The following LAMA2 variants were observed in gnomAD, a reference collection of about 807,000 sequenced individuals.
LAMA2 encodes the protein laminin subunit alpha 2.
In LAMA2, 269 loss-of-function variants were observed where a neutral mutation model predicts 364.8. The ratio of observed to expected loss-of-function variants is 0.74; its 90% confidence interval spans 0.67 to 0.82. The LOEUF (loss-of-function observed/expected upper bound fraction) is 0.82, where lower values mean the gene tolerates loss of function less well. Ranked by LOEUF, LAMA2 falls within the 40% of genes least tolerant of loss-of-function variation. The pLI, the probability that LAMA2 is intolerant of heterozygous loss-of-function variation, is 0.00. For synonymous variants in LAMA2, 1,379 were observed against 1,370.6 expected (o/e 1.01, Z -0.14); for missense variants, 3,807 against 3,873.2 (o/e 0.98, Z 0.45).
At chr6:129,435,591 T>A (rs539985653) in intron 41 of LAMA2, among the ~76,000 whole-genome samples, 1 of 152,312 alleles carries the variant, frequency 6.6e-6, no homozygotes, top group South Asian at 2.1e-4. Flanking sequence ...CGTGCTTTGC[T>A]GGAATATTTT....
chr6:129,251,971 T>G (rs1786284522), intron 13 of LAMA2, 113 bp from the exon 14 acceptor site: 2 of 670,854 alleles, frequency 3.0e-6, no homozygotes, highest in South Asian at 3.8e-5. Context: ...AAACATAAAT[T>G]TTTAAAGTTA....
At position 129,366,303 on chromosome 6, in the gene LAMA2, C is replaced by T. The variant is rs758579856; in HGVS notation, c.4802C>T (p.Pro1601Leu). ...QMVMSINLTG[P>L]LPAPYKMLYG... ...GTCATGAGCATCAACCTCACTGGTC[C>T]GCTGCCTGCGCCATATAAAATGCTG... The change falls in exon 33 of 65, where the codon CCG becomes CTG. Residue 1601 changes from proline to leucine, a missense_variant. By Grantham distance (98) the Pro-to-Leu change is moderately conservative (BLOSUM62 -3). Coordinates refer to ENST00000421865, the MANE Select transcript of LAMA2 (RefSeq NM_000426.4). 1.6e-5 allele frequency: 26 copies of T among 1,613,502 alleles called. No homozygotes were observed. The highest frequency in any genetic ancestry group is 4.5e-5 in the East Asian group (2 of 44,872).
At chr6:129,505,168 A>G (rs908913172) in intron 60 of LAMA2, 32 bp from the exon 61 acceptor site, 2 of 1,598,224 alleles carry the variant, frequency 1.3e-6, no homozygotes, top group African/African-American at 2.7e-5. Flanking sequence ...TTTGTTCAGG[A>G]TTGGCATTAA....
rs1387129367 is a variant in LAMA2 at position 128,929,555 on chromosome 6, C to T, written c.112+46198C>T. On this transcript the variant is annotated intron_variant, in intron 1 of 64. Transcript: ENST00000421865. ...GAAACTCCTGAGCGACAATTATCTCCATAGTCATGAGACTTGATCCTGCAG... is the reference window on the plus strand; with the variant it reads ...GAAACTCCTGAGCGACAATTATCTCTATAGTCATGAGACTTGATCCTGCAG... 1.8e-5 allele frequency: 18 copies of T among 1,001,062 alleles called. No individual in the cohort carries two copies. In the East Asian group the frequency reaches 3.8e-4, roughly 21 times the overall value. 62.0% of individuals were successfully genotyped at this position (1,001,062 alleles called of 1,614,324 possible). A position where few individuals can be genotyped will look rare whatever the true frequency, so the allele number is the denominator to read the frequency against.
chr6:129,269,006 G>C (rs13193468), intron 16 of LAMA2, among the ~76,000 whole-genome samples: 1 of 151,948 alleles, frequency 6.6e-6, no homozygotes, highest in African/African-American at 2.4e-5. Context: ...TTAGCTTCTT[G>C]TTTATTTTTC....
chr6:129,061,070 A>G (rs932998303), intron 3 of LAMA2, among the ~76,000 whole-genome samples: 1 of 152,178 alleles, frequency 6.6e-6, no homozygotes, highest in Non-Finnish European at 1.5e-5. Context: ...AGGGCAAGCT[A>G]CCACACTGAT....
At chr6:129,405,640 AAAAG>A (rs1780211087) in intron 40 of LAMA2, among the ~76,000 whole-genome samples, 1 of 152,206 alleles carries the variant, frequency 6.6e-6, no homozygotes. Context: ...TTGGATAAGA[AAAAG>A]AAGACAATCT....
chr6:129,099,295 T>C (rs1775378851), intron 4 of LAMA2, among the ~76,000 whole-genome samples: 1 of 152,004 alleles, frequency 6.6e-6, no homozygotes, highest in Non-Finnish European at 1.5e-5. Flanking sequence ...AGAACAATGC[T>C]GAAATGCACA....
intron 12 of LAMA2, among the ~76,000 whole-genome samples, chr6:129,206,110 A>AGGGAGGGAGGG (rs1562331062): frequency 6.8e-5 from 2 of 29,428 alleles, no homozygotes; most frequent in African/African-American, 4.0e-4. Flanking sequence ...GGGAGGGAGG[A>AGGGAGGGAGGG]AGGAAGGAAG....
At chr6:129,154,393 GAC>G in intron 7 of LAMA2, 110 bp from the exon 8 acceptor site, 1 of 948,338 alleles carries the variant, frequency 1.1e-6, no homozygotes. Flanking sequence ...CAGCCTGGGC[GAC>G]AGAGTGAGAC....
chr6:129,008,788 C>T (rs765202639), intron 1 of LAMA2, among the ~76,000 whole-genome samples: 29 of 152,082 alleles, frequency 1.9e-4, no homozygotes, highest in Admixed American at 3.3e-4. Context: ...TTTGGCAGGA[C>T]GAGAGATTAC....
intron 41 of LAMA2, among the ~76,000 whole-genome samples, chr6:129,432,548 C>T (rs1781648445): frequency 6.6e-6 from 1 of 152,148 alleles, no homozygotes; most frequent in Admixed American, 6.5e-5. Context: ...GTCTGAGATT[C>T]TATGGCGTTT....
intron 40 of LAMA2, among the ~76,000 whole-genome samples, chr6:129,407,434 T>A (rs552705559): frequency 4.6e-5 from 7 of 152,212 alleles, no homozygotes; most frequent in Non-Finnish European, 8.8e-5. Flanking sequence ...TTACATAAAG[T>A]TAACAACACT....
chr6:129,053,739 C>A (rs1403853374), intron 2 of LAMA2, among the ~76,000 whole-genome samples: 1 of 152,114 alleles, frequency 6.6e-6, no homozygotes, highest in Non-Finnish European at 1.5e-5. Flanking sequence ...AAGTACTCAG[C>A]AGATTCATAG....
chr6:129,334,214 G>A (rs1775817487), intron 29 of LAMA2, among the ~76,000 whole-genome samples: 2 of 152,154 alleles, frequency 1.3e-5, no homozygotes, highest in African/African-American at 4.8e-5. Context: ...ACAGTGCAAT[G>A]CCCTCTACCT....
intron 1 of LAMA2, among the ~76,000 whole-genome samples, chr6:128,886,376 G>A (rs1776148841): frequency 1.3e-5 from 2 of 152,102 alleles, no homozygotes; most frequent in Admixed American, 1.3e-4. Context: ...AAGACAGGAA[G>A]AGAAAGGCCA....
intron 19 of LAMA2, among the ~76,000 whole-genome samples, chr6:129,288,414 C>A (rs983742363): frequency 2.0e-5 from 3 of 151,994 alleles, no homozygotes; most frequent in Non-Finnish European, 4.4e-5. Flanking sequence ...ATTCTAATCA[C>A]TTGCTTTAAA....
At chr6:129,365,974 G>T (rs1037770675) in intron 32 of LAMA2, among the ~76,000 whole-genome samples, 3 of 152,054 alleles carry the variant, frequency 2.0e-5, no homozygotes, top group African/African-American at 7.2e-5. Flanking sequence ...CCTCCTCTTT[G>T]GTCCCTCAGT....
chr6:129,048,096 T>C (rs9492212), intron 1 of LAMA2, among the ~76,000 whole-genome samples: 32,065 of 152,156 alleles, frequency 0.21, 4,745 homozygotes, highest in African/African-American at 0.42. Context: ...GTGGATGTTT[T>C]GTGTAGCAAA....
Sources: gnomAD v4.1 joint callset for allele counts (sites outside exome capture counted in the v4.1 genomes callset) on GRCh38, gnomAD v4.1.1 for gene constraint, MANE v1.5 for transcripts, NCBI Gene and HGNC (gene_info 2026-07-23, HGNC 2026-07-21) for gene names.